ZC3H14: variants seen among roughly 807,000 people sequenced by gnomAD.
The protein encoded by ZC3H14 is zinc finger CCCH-type containing 14.
Under a neutral mutation model 92.4 loss-of-function variants are expected in ZC3H14, and 31 were observed. The observed-to-expected ratio is 0.34, with a 90% CI of 0.25 to 0.45. The LOEUF (loss-of-function observed/expected upper bound fraction) is 0.45. ZC3H14 is among the 20% of genes least tolerant of loss of function. The pLI is 1.00. For synonymous variants in ZC3H14, 321 were observed against 300.9 expected, an observed-to-expected ratio of 1.07 and a Z score of -0.69; for missense variants, 781 against 897.3, an observed-to-expected ratio of 0.87 and a Z score of 1.66.
At position 88,619,211 on chromosome 14, in the gene ZC3H14, C is replaced by T. The variant is rs576308216; in HGVS notation, c.*7460C>T. The T allele has an allele frequency of 1.3e-5, 2 of 155,078 alleles. No individual in the cohort carries two copies. Among genetic ancestry groups the T allele is most frequent in the South Asian group, 4.0e-4 (2 of 5,014 alleles). The allele number at this position is 155,078 out of a possible 1,614,324, so 9.6% of individuals were successfully genotyped here. On this transcript the variant is annotated 3_prime_UTR_variant, in exon 17 of 17. Coordinates refer to ENST00000251038, the MANE Select transcript of ZC3H14 (RefSeq NM_024824.5). ...AGAAACCCTGTCTCTACTAAAAATACAAAATTAGCCAGGCATGGTGGTGCA... is the reference window on the plus strand; with the variant it reads ...AGAAACCCTGTCTCTACTAAAAATATAAAATTAGCCAGGCATGGTGGTGCA...
At chr14:88,581,346 G>A (rs1427609710) in intron 9 of ZC3H14, among the ~76,000 whole-genome samples, 2 of 152,062 alleles carry the variant, frequency 1.3e-5, no homozygotes, top group Admixed American at 6.6e-5. Flanking sequence ...ATCACCTGAG[G>A]TCAGGAGTTC....
intron 2 of ZC3H14, among the ~76,000 whole-genome samples, chr14:88,565,699 T>C (rs1031411957): frequency 6.6e-6 from 1 of 152,076 alleles, no homozygotes; most frequent in Non-Finnish European, 1.5e-5. Flanking sequence ...ACTTGTTTAG[T>C]TTTGGTGTAG....
At position 88,587,688 on chromosome 14, in the gene ZC3H14, G is replaced by A. The variant is rs1414540946; in HGVS notation, c.1280-9046G>A. Among the ~76,000 whole-genome samples, 4 of 152,306 alleles carry A rather than the reference G, an allele frequency of 2.6e-5. No homozygotes were observed. In the East Asian group the frequency reaches 5.8e-4, roughly 22 times the overall value. Reference sequence around the variant, plus strand: ...TGGGCATGGTTGGTGGCTCACACCTGTAATCCCAGCACTTTAGGAGGCTGA... The same window carrying A: ...TGGGCATGGTTGGTGGCTCACACCTATAATCCCAGCACTTTAGGAGGCTGA... On this transcript the variant is annotated intron_variant, in intron 9 of 16. Coordinates refer to ENST00000251038, the MANE Select transcript of ZC3H14 (RefSeq NM_024824.5).
intron 10 of ZC3H14, among the ~76,000 whole-genome samples, chr14:88,600,327 C>T (rs939753433): frequency 5.3e-5 from 8 of 152,238 alleles, no homozygotes; most frequent in Non-Finnish European, 1.2e-4. Flanking sequence ...GCCTCACCCT[C>T]TGTCCCGGGC....
chr14:88,566,014 CCTGCCA>C (rs1438160421), intron 2 of ZC3H14, among the ~76,000 whole-genome samples: 1 of 64,784 alleles, frequency 1.5e-5, no homozygotes, highest in African/African-American at 5.0e-5. Flanking sequence ...ATTACAGGCA[CCTGCCA>C]CCACCCCGCC....
intron 9 of ZC3H14, 105 bp from the exon 10 acceptor site, chr14:88,596,629 T>C (rs1327970218): frequency 5.4e-6 from 5 of 932,884 alleles, no homozygotes; most frequent in East Asian, 5.0e-5. Flanking sequence ...TTTAAGTTAC[T>C]TTTAAGACTT....
intron 9 of ZC3H14, among the ~76,000 whole-genome samples, chr14:88,583,529 C>T (rs1229253744): frequency 1.3e-5 from 2 of 152,110 alleles, no homozygotes; most frequent in East Asian, 3.9e-4. Flanking sequence ...TTTAATTCAT[C>T]ATGTTTTCAT....
chr14:88,625,060 C>T lies in ZC3H14; in HGVS notation c.*13309C>T, dbSNP rs752962146. The T allele has an allele frequency of 6.2e-6, 10 of 1,613,906 alleles. No individual in the cohort carries two copies. The South Asian group carries it at 1.1e-4, about 18-fold the overall frequency. On this transcript the variant is annotated 3_prime_UTR_variant, in exon 17 of 17. Coordinates refer to ENST00000251038, the MANE Select transcript of ZC3H14 (RefSeq NM_024824.5). The stretch of plus-strand genomic sequence containing the variant: ...CCCGTTGTGAGCTCTCGCCACGATT[C>T]TACACAATATGTGATCTTTCCACAC...
intron 14 of ZC3H14, 63 bp from the exon 15 acceptor site, chr14:88,609,649 G>A (rs772778850): frequency 6.4e-7 from 1 of 1,572,164 alleles, no homozygotes; most frequent in Non-Finnish European, 8.8e-7. Context: ...AACATCAGTA[G>A]ACTGCATTAA....
chr14:88,594,088 T>C (rs1054211332), intron 9 of ZC3H14, among the ~76,000 whole-genome samples: 1 of 145,964 alleles, frequency 6.9e-6, no homozygotes, highest in Non-Finnish European at 1.5e-5. Flanking sequence ...GTCCAGTTAC[T>C]TTCTCCGCCC....
Position 88,601,917 on chromosome 14 carries a change from G to T in ZC3H14, c.1355-7G>T. 1 of 1,613,524 alleles carries T rather than the reference G, an allele frequency of 6.2e-7. No homozygotes were observed. The highest frequency in any genetic ancestry group is 8.5e-7 in the Non-Finnish European group (1 of 1,179,722). ...GTAAACATTTGTGGCCAATTTTTTT[G>T]GCTCAGATTACTATGACATGGAATC... is the stretch of plus-strand genomic sequence containing the variant. On this transcript the variant is annotated splice_polypyrimidine_tract_variant and splice_region_variant and intron_variant, in intron 10 of 16. Coordinates refer to ENST00000251038, the MANE Select transcript of ZC3H14 (RefSeq NM_024824.5).
chr14:88,578,835 C>T (rs1396531935), intron 9 of ZC3H14, among the ~76,000 whole-genome samples: 1 of 126,644 alleles, frequency 7.9e-6, no homozygotes, highest in African/African-American at 3.1e-5. Context: ...CCCCCAATTC[C>T]TATACAATCT....
rs969988421 is a variant in ZC3H14, at chr14:88,617,327, A to G, written c.*5576A>G. The G allele has an allele frequency of 1.9e-5, 3 of 154,300 alleles. No homozygotes were observed. Among genetic ancestry groups the G allele is most frequent in the South Asian group, 2.0e-4 (1 of 4,982 alleles). The allele number at this position is 154,300 out of a possible 1,614,324, so 9.6% of individuals were successfully genotyped here. ...CATGCCCGGCTTATTTTGTATTTTT[A>G]GTAGAGACAGGGTTTCTCCATGTTG... On this transcript the variant is annotated 3_prime_UTR_variant, in exon 17 of 17. Coordinates refer to ENST00000251038, the MANE Select transcript of ZC3H14 (RefSeq NM_024824.5).
At chr14:88,595,323 A>G (rs951450087) in intron 9 of ZC3H14, among the ~76,000 whole-genome samples, 1 of 152,218 alleles carries the variant, frequency 6.6e-6, no homozygotes, top group Non-Finnish European at 1.5e-5. Context: ...GCTCTCTAAA[A>G]CGATGTTTTG....
rs201863637 is a variant in ZC3H14 at position 88,582,650 on chromosome 14, C to T, written c.1279+4510C>T. 2.6e-5 allele frequency among the ~76,000 whole-genome samples: 4 copies of T among 152,188 alleles called. No individual in the cohort carries two copies. In the East Asian group the frequency reaches 5.8e-4, roughly 22 times the overall value. The stretch of plus-strand genomic sequence containing the variant: ...GATGGTAGTCAGAAGGGTGTTTTGC[C>T]TTACAAAAATTCATTAAGCTATATG... On this transcript the variant is annotated intron_variant, in intron 9 of 16. Transcript: ENST00000251038.
Position 88,622,862 on chromosome 14 carries a change from T to C in ZC3H14, c.*11111T>C, listed in dbSNP as rs546788304. ...ATTTACCTCTAATATTCTTGTAAAC[T>C]TTCTATGGCAATTTGAGGATATACT... On this transcript the variant is annotated 3_prime_UTR_variant, in exon 17 of 17. Transcript: ENST00000251038. The C allele has an allele frequency of 6.0e-5, 31 of 514,212 alleles. No individual in the cohort carries two copies. In the East Asian group the frequency reaches 8.4e-4, roughly 14 times the overall value. 31.9% of individuals were successfully genotyped at this position (514,212 alleles called of 1,614,324 possible).
In ZC3H14 at chr14:88,572,012, CTG is replaced by C. The variant is rs1374285111; in HGVS notation, c.236-16_236-15del. On this transcript the variant is annotated splice_polypyrimidine_tract_variant and intron_variant, in intron 4 of 16. Transcript: ENST00000251038. ...AAGAAATAAAAATAGATTAAAAGGA[CTG>C]TATTTTTCTTTTCAGAACCCTCTAG... 1.3e-6 allele frequency: 2 copies of C among 1,573,270 alleles called. No individual in the cohort carries two copies. Among genetic ancestry groups the C allele is most frequent in the Non-Finnish European group, 8.7e-7 (1 of 1,150,452 alleles).
intron 13 of ZC3H14, among the ~76,000 whole-genome samples, chr14:88,607,861 CT>C (rs67044102): frequency 0.028 from 2,743 of 99,618 alleles, 262 homozygotes; most frequent in East Asian, 0.1. Flanking sequence ...GTACCATCCC[CT>C]ATCTCACCCT....
chr14:88,610,676 C>T (rs528148152), intron 15 of ZC3H14, among the ~76,000 whole-genome samples, 158 bp from the exon 16 acceptor site: 65 of 150,920 alleles, frequency 4.3e-4, no homozygotes, highest in Non-Finnish European at 7.7e-4. Flanking sequence ...TGGTAGCACA[C>T]GCCTGTAGTC....
Sources: gnomAD v4.1 joint callset for allele counts (sites outside exome capture counted in the v4.1 genomes callset) on GRCh38, gnomAD v4.1.1 for gene constraint, MANE v1.5 for transcripts, NCBI Gene and HGNC (gene_info 2026-07-23, HGNC 2026-07-21) for gene names.